The following USH2A variants were observed in gnomAD, a reference collection of about 807,000 sequenced individuals.
The protein encoded by USH2A is usherin.
A neutral mutation model predicts 538.9 loss-of-function variants in USH2A; 443 were observed. The ratio of observed to expected loss-of-function variants is 0.82; its 90% CI spans 0.76 to 0.89. The LOEUF (loss-of-function observed/expected upper bound fraction) is 0.89. Among genes scored for constraint, USH2A ranks in the 40% least tolerant of loss-of-function variants. The probability of loss-of-function intolerance (pLI) is 0.00; values close to 1 mark genes in which losing one functional copy is unlikely to be tolerated. For missense variants in USH2A, 6,633 were observed against 6,324.8 expected, an observed-to-expected ratio of 1.05 and a Z score of -1.65; for synonymous variants, 2,413 against 2,273.5, an observed-to-expected ratio of 1.06 and a Z score of -1.75.
At chr1:216,148,157 G>A (rs1189946356) in intron 21 of USH2A, among the ~76,000 whole-genome samples, 1 of 151,788 alleles carries the variant, frequency 6.6e-6, no homozygotes, top group Non-Finnish European at 1.5e-5. Context: ...CTCTTTTCAA[G>A]GGCCTGTTTC....
intron 64 of USH2A, among the ~76,000 whole-genome samples, chr1:215,654,878 A>G (rs911206345): frequency 6.6e-6 from 1 of 152,226 alleles, no homozygotes; most frequent in African/African-American, 2.4e-5. Context: ...TTCCTACCCC[A>G]AAGGACTAAT....
chr1:216,203,210 T>C lies in USH2A; in HGVS notation c.3317-3089A>G, dbSNP rs953857150. Among the ~76,000 whole-genome samples the C allele has an allele frequency of 2.8e-4, 43 of 151,784 alleles. 1 individual carries two copies. Among genetic ancestry groups the C allele is most frequent in the African/African-American group, 9.2e-4 (38 of 41,326 alleles). On this transcript the variant is annotated intron_variant, in intron 16 of 71. Transcript: ENST00000307340. ...CAAATAGTATTAAACTATATATATA[T>C]ACACACACATACATATATGTATATA...
rs570435891 is a variant in USH2A, at chr1:215,799,918, G to A, written c.9740-793C>T. 1.6e-4 allele frequency among the ~76,000 whole-genome samples: 25 copies of A among 152,128 alleles called. No individual in the cohort carries two copies. The South Asian group carries it at 3.7e-3, about 23-fold the overall frequency. ...CGAGAATTGCTTGAACCCGGGAGGC[G>A]GGAGGCAGAGTGCGCAGTGAGCCAG... is the stretch of plus-strand genomic sequence containing the variant. On this transcript the variant is annotated intron_variant, in intron 49 of 71. Transcript: ENST00000307340.
rs187425367 is a variant in USH2A, at chr1:215,814,495, A to G, written c.9571-591T>C. Among the ~76,000 whole-genome samples the G allele has an allele frequency of 1.6e-4, 25 of 152,208 alleles. No homozygotes were observed. In the East Asian group the frequency reaches 3.5e-3, roughly 21 times the overall value. On this transcript the variant is annotated intron_variant, in intron 48 of 71. Coordinates refer to ENST00000307340, the MANE Select transcript of USH2A (RefSeq NM_206933.4). ...TTCATTTGGGGCTAGGTATGAATAT[A>G]TATTTTCTAGCATGAAAGATTGGAG...
intron 44 of USH2A, among the ~76,000 whole-genome samples, chr1:215,847,523 T>C (rs1663892992): frequency 6.6e-6 from 1 of 151,636 alleles, no homozygotes; most frequent in East Asian, 1.9e-4. Context: ...CACACACCTG[T>C]AGTCCCAGCT....
intron 38 of USH2A, among the ~76,000 whole-genome samples, chr1:215,912,509 ATACGTG>A (rs1419084658): frequency 4.0e-4 from 7 of 17,452 alleles, no homozygotes; most frequent in African/African-American, 1.4e-3. Flanking sequence ...ATATATATAT[ATACGTG>A]TATATATATA....
At position 216,025,178 on chromosome 1, in the gene USH2A, T is replaced by C. The variant is rs532911527; in HGVS notation, c.6325+21253A>G. Among the ~76,000 whole-genome samples the C allele has an allele frequency of 1.7e-3, 265 of 152,018 alleles. 1 individual carries two copies. The highest frequency in any genetic ancestry group is 3.1e-3 in the Non-Finnish European group (208 of 67,820). On this transcript the variant is annotated intron_variant, in intron 32 of 71. Transcript: ENST00000307340. The stretch of plus-strand genomic sequence containing the variant: ...TTTATATTACATAGTAAGTCACATA[T>C]GAAAGTAAATTGTGAGAGTATTAAT...
chr1:216,376,661 T>C (rs1277896204), intron 3 of USH2A, among the ~76,000 whole-genome samples: 4 of 152,196 alleles, frequency 2.6e-5, no homozygotes, highest in East Asian at 1.9e-4. Flanking sequence ...ATAGTGGTCA[T>C]TGGATTTCTG....
chr1:216,294,179 C>G (rs950051708), intron 9 of USH2A, among the ~76,000 whole-genome samples: 1 of 151,680 alleles, frequency 6.6e-6, no homozygotes, highest in Non-Finnish European at 1.5e-5. Flanking sequence ...AAATTTTTTC[C>G]ATAGATTTAA....
intron 4 of USH2A, 120 bp from the exon 5 acceptor site, chr1:216,327,774 C>T: frequency 8.3e-7 from 1 of 1,212,038 alleles, no homozygotes; most frequent in South Asian, 1.3e-5. Context: ...ATGTCACTGC[C>T]CTTTGAAACT....
intron 4 of USH2A, among the ~76,000 whole-genome samples, chr1:216,356,179 T>G (rs2038389062): frequency 6.6e-6 from 1 of 152,086 alleles, no homozygotes; most frequent in Admixed American, 6.6e-5. Context: ...AATAATTGTA[T>G]GTACAATGAG....
intron 3 of USH2A, among the ~76,000 whole-genome samples, chr1:216,370,804 T>G (rs566129379): frequency 3.9e-5 from 6 of 151,996 alleles, no homozygotes; most frequent in African/African-American, 1.4e-4. Context: ...GAAGTAACAG[T>G]CAGTTTGTCA....
rs941214801 is a variant in USH2A at position 216,196,865 on chromosome 1, C to T, written c.4082-143G>A. On this transcript the variant is annotated intron_variant, in intron 18 of 71. Coordinates refer to ENST00000307340, the MANE Select transcript of USH2A (RefSeq NM_206933.4). Reference sequence around the variant, plus strand: ...TGCTTTGAAAAAGTCCAAGAATATGCTGGTATATGTAAAAGGTATTCACTT... The same window carrying T: ...TGCTTTGAAAAAGTCCAAGAATATGTTGGTATATGTAAAAGGTATTCACTT... 7.2e-6 allele frequency: 7 copies of T among 965,900 alleles called. No homozygotes were observed. The African/African-American group carries it at 9.8e-5, about 13-fold the overall frequency. The allele number at this position is 965,900 out of a possible 1,614,324, so 59.8% of individuals were successfully genotyped here.
At chr1:215,921,287 G>A (rs948513764) in intron 38 of USH2A, among the ~76,000 whole-genome samples, 3 of 152,048 alleles carry the variant, frequency 2.0e-5, no homozygotes, top group Non-Finnish European at 4.4e-5. Flanking sequence ...CAAAGGATGA[G>A]TCCAACTGGT....
chr1:216,162,200 C>T (rs1015532944), intron 21 of USH2A, among the ~76,000 whole-genome samples: 13 of 151,590 alleles, frequency 8.6e-5, no homozygotes, highest in Non-Finnish European at 2.9e-5. Context: ...TTTTCATTTC[C>T]TTCTCGATAT....
chr1:215,845,019 G>T (rs998999730), intron 45 of USH2A, among the ~76,000 whole-genome samples: 5 of 152,078 alleles, frequency 3.3e-5, no homozygotes, highest in South Asian at 4.1e-4. Flanking sequence ...ATTACCATAG[G>T]TAATGATGAA....
chr1:216,337,966 A>T (rs2038004962), intron 4 of USH2A, among the ~76,000 whole-genome samples: 5 of 151,344 alleles, frequency 3.3e-5, no homozygotes, highest in Admixed American at 3.3e-4. Context: ...CCCTTTTATT[A>T]TAAGTTATGA....
chr1:216,087,947 C>G (rs1338495964), intron 23 of USH2A, among the ~76,000 whole-genome samples: 1 of 152,146 alleles, frequency 6.6e-6, no homozygotes, highest in African/African-American at 2.4e-5. Context: ...ATTCTTCCCT[C>G]AAAATCCTTC....
chr1:216,361,041 C>A (rs2038481006), intron 4 of USH2A, among the ~76,000 whole-genome samples: 1 of 151,862 alleles, frequency 6.6e-6, no homozygotes. Flanking sequence ...TATTTTGGCC[C>A]AAGTATAGAC....
Sources: allele counts gnomAD v4.1 joint callset (sites outside exome capture counted in the v4.1 genomes callset), GRCh38; gene constraint gnomAD v4.1.1; transcripts MANE v1.5; gene names NCBI Gene and HGNC (gene_info 2026-07-23, HGNC 2026-07-21).